Variants in PIEZO2 observed in about 807,000 individuals in gnomAD.
PIEZO2 encodes the protein piezo type mechanosensitive ion channel component 2, also known as piezo-type mechanosensitive ion channel component 2.
Under a neutral mutation model 337.3 loss-of-function variants are expected in PIEZO2, and 172 were observed. The observed-to-expected ratio is 0.51, with a 90% CI of 0.45 to 0.58. The LOEUF is 0.58. Among genes scored for constraint, PIEZO2 ranks in the 20% least tolerant of loss-of-function variants. The probability of loss-of-function intolerance (pLI) is 0.00; values close to 1 mark genes in which losing one functional copy is unlikely to be tolerated. For synonymous variants in PIEZO2, 1,251 were observed against 1,228.5 expected, an observed-to-expected ratio of 1.02 and a Z score of -0.38; for missense variants, 3,028 against 3,391.3, an observed-to-expected ratio of 0.89 and a Z score of 2.66.
intron 7 of PIEZO2, among the ~76,000 whole-genome samples, chr18:10,836,515 C>G (rs1437113150): frequency 1.3e-5 from 2 of 152,148 alleles, no homozygotes; most frequent in African/African-American, 2.4e-5. Flanking sequence ...AGATCACTTG[C>G]AACTGTTTAA....
chr18:11,065,564 G>A (rs115718946), intron 2 of PIEZO2, among the ~76,000 whole-genome samples: 17 of 152,286 alleles, frequency 1.1e-4, no homozygotes, highest in African/African-American at 4.1e-4. Flanking sequence ...CAGAATGGGA[G>A]CTGAAGTGTT....
rs376252910 is a variant in PIEZO2 at position 10,706,413 on chromosome 18, G to A, written c.5589-667C>T. 1.2e-4 allele frequency among the ~76,000 whole-genome samples: 19 copies of A among 152,238 alleles called. No homozygotes were observed. In the East Asian group the frequency reaches 3.1e-3, roughly 25 times the overall value. On this transcript the variant is annotated intron_variant, in intron 40 of 55. Transcript: ENST00000674853. ...CCCAGCTCCCTGCACTGTGCCCAGG[G>A]CTTCCCCTTCCCTGTGGGACTCCAG...
At chr18:10,740,847 T>G (rs1219655895) in intron 33 of PIEZO2, 184 bp downstream of exon 33, 6 of 711,028 alleles carry the variant, frequency 8.4e-6, no homozygotes, top group Non-Finnish European at 1.5e-5. Flanking sequence ...CTGATGTCTC[T>G]GGAAGAATTG....
intron 3 of PIEZO2, among the ~76,000 whole-genome samples, chr18:10,972,124 C>A (rs1422172740): frequency 6.8e-6 from 1 of 147,206 alleles, no homozygotes; most frequent in Non-Finnish European, 1.5e-5. Context: ...GAAACCCTAT[C>A]TCTACTAAAA....
In PIEZO2 at chr18:10,718,267, G is replaced by A; in HGVS notation, c.5030-8C>T. 6.5e-7 allele frequency: 1 copy of A among 1,535,490 alleles called. No homozygotes were observed. The highest frequency in any genetic ancestry group is 8.7e-7 in the Non-Finnish European group (1 of 1,145,320). ...CTTCCCATTCCACAGGACCTGCCAA[G>A]TGTGTTCAATAAAGATGAGTTAAAT... On this transcript the variant is annotated splice_polypyrimidine_tract_variant and splice_region_variant and intron_variant, in intron 36 of 55. Coordinates refer to ENST00000674853, the MANE Select transcript of PIEZO2 (RefSeq NM_001378183.1).
At chr18:10,777,454 T>C (rs550214109) in intron 18 of PIEZO2, among the ~76,000 whole-genome samples, 1 of 152,320 alleles carries the variant, frequency 6.6e-6, no homozygotes, top group South Asian at 2.1e-4. Context: ...TTACAAAATG[T>C]AGTACTGTGC....
chr18:10,967,108 C>T (rs746339794), intron 3 of PIEZO2, among the ~76,000 whole-genome samples: 1 of 145,012 alleles, frequency 6.9e-6, no homozygotes, highest in Non-Finnish European at 1.5e-5. Flanking sequence ...ACTTCTGCCT[C>T]CCAGGTTCAA....
At chr18:10,995,373 C>T (rs956936382) in intron 2 of PIEZO2, among the ~76,000 whole-genome samples, 1 of 152,054 alleles carries the variant, frequency 6.6e-6, no homozygotes, top group Non-Finnish European at 1.5e-5. Flanking sequence ...TGAATGAGTT[C>T]CTTTGTCGGA....
chr18:10,832,210 C>T (rs2040864263), intron 7 of PIEZO2, among the ~76,000 whole-genome samples: 1 of 152,058 alleles, frequency 6.6e-6, no homozygotes, highest in South Asian at 2.1e-4. Flanking sequence ...CACTGCACTC[C>T]AGCCTGGGTG....
At chr18:10,975,917 C>G (rs910195538) in intron 3 of PIEZO2, among the ~76,000 whole-genome samples, 2 of 152,084 alleles carry the variant, frequency 1.3e-5, no homozygotes, top group Non-Finnish European at 1.5e-5. Flanking sequence ...CACTGATGAC[C>G]AAGACAGGTT....
chr18:10,773,611 T>C lies in PIEZO2; in HGVS notation c.2586A>G (p.Gly862=). The C allele has an allele frequency of 6.5e-7, 1 of 1,537,280 alleles. No homozygotes were observed. Residue 862 remains glycine (G), a synonymous_variant, in exon 20 of 56, where the codon GGA becomes GGG. Coordinates refer to ENST00000674853, the MANE Select transcript of PIEZO2 (RefSeq NM_001378183.1). The surrounding 1 kb of genome is among the most constrained non-coding windows in gnomAD (Gnocchi z 5.3). The part of the protein sequence containing the change: ...IHQNELAHPE[G]SLPDLTMMHL... ...GCATCATGGTGAGGTCCGGGAGGCT[T>C]CCTTCCGGGTGGGCCAGTCTGTTGG...
rs950534524 is a variant in PIEZO2 at position 10,861,276 on chromosome 18, T to G, written c.493-4065A>C. ...ATAAAGATTTAACTTCCCTGGTTCC[T>G]GAGTCATCTTAGAAACTGAAGACAA... On this transcript the variant is annotated intron_variant, in intron 5 of 55. Coordinates refer to ENST00000674853, the MANE Select transcript of PIEZO2 (RefSeq NM_001378183.1). This position sits in a 1 kb window ranked among gnomAD's most constrained non-coding sequence, Gnocchi z 4.3. Among the ~76,000 whole-genome samples, 28 of 152,356 alleles carry G rather than the reference T, an allele frequency of 1.8e-4. No homozygotes were observed. Among genetic ancestry groups the G allele is most frequent in the Admixed American group, 7.2e-4 (11 of 15,302 alleles).
rs1358948929 is a variant in PIEZO2, at chr18:11,070,312, A to G, written c.65-4090T>C. ...ACGGCACTATAATCTTAGGGGACCA[A>G]CCCCACAGACTGTCAACATTCCTGC... On this transcript the variant is annotated intron_variant, in intron 1 of 55. Coordinates refer to ENST00000674853, the MANE Select transcript of PIEZO2 (RefSeq NM_001378183.1). This position sits in a 1 kb window ranked among gnomAD's most constrained non-coding sequence, Gnocchi z 4.3. Among the ~76,000 whole-genome samples the G allele has an allele frequency of 6.6e-6, 1 of 152,174 alleles. No homozygotes were observed. Among genetic ancestry groups the G allele is most frequent in the Non-Finnish European group, 1.5e-5 (1 of 68,034 alleles).
intron 4 of PIEZO2, chr18:10,893,796 T>C (rs1305359794): frequency 1.3e-5 from 2 of 152,386 alleles, no homozygotes; most frequent in African/African-American, 2.4e-5. Context: ...AATGAATTTC[T>C]GCTTTTAGCA....
Position 10,920,593 on chromosome 18 carries a change from C to T in PIEZO2, c.287-9365G>A, listed in dbSNP as rs1217933341. The stretch of plus-strand genomic sequence containing the variant: ...ATATAGTCAACATGCTGTTACAACT[C>T]GTTCATACCCAGGTTTCCATGACTT... On this transcript the variant is annotated intron_variant, in intron 3 of 55. Transcript: ENST00000674853. Among the ~76,000 whole-genome samples, 3 of 152,118 alleles carry T rather than the reference C, an allele frequency of 2.0e-5. 1 individual carries two copies. The highest frequency in any genetic ancestry group is 1.3e-4 in the Admixed American group (2 of 15,270).
intron 36 of PIEZO2, among the ~76,000 whole-genome samples, chr18:10,718,593 C>A (rs1013672052): frequency 1.4e-4 from 21 of 152,252 alleles, no homozygotes; most frequent in African/African-American, 5.1e-4. Flanking sequence ...GTATTTGGTG[C>A]ATGTGAAAAT....
Position 10,830,099 on chromosome 18 carries a change from C to T in PIEZO2, c.918-22825G>A, listed in dbSNP as rs2040800270. Among the ~76,000 whole-genome samples the T allele has an allele frequency of 6.6e-6, 1 of 152,086 alleles. No individual in the cohort carries two copies. The highest frequency in any genetic ancestry group is 1.5e-5 in the Non-Finnish European group (1 of 68,012). On this transcript the variant is annotated intron_variant, in intron 7 of 55. Transcript: ENST00000674853. This position sits in a 1 kb window ranked among gnomAD's most constrained non-coding sequence, Gnocchi z 4.7. Reference sequence around the variant, plus strand: ...TATGGTACTGGCATAAAAACAGACACACAGACCAATGGAACAGAATAGGGA... The same window carrying T: ...TATGGTACTGGCATAAAAACAGACATACAGACCAATGGAACAGAATAGGGA...
In PIEZO2 at chr18:10,677,611, G is replaced by C; in HGVS notation, c.8081+136C>G. The C allele has an allele frequency of 9.4e-7, 1 of 1,063,586 alleles. No individual in the cohort carries two copies. The highest frequency in any genetic ancestry group is 1.4e-6 in the Non-Finnish European group (1 of 733,358). 65.9% of individuals were successfully genotyped at this position (1,063,586 alleles called of 1,614,324 possible). On this transcript the variant is annotated intron_variant, in intron 53 of 55. Coordinates refer to ENST00000674853, the MANE Select transcript of PIEZO2 (RefSeq NM_001378183.1). The surrounding 1 kb of genome is among the most constrained non-coding windows in gnomAD (Gnocchi z 4.1). ...AGTTTCTTTAATCTTGCAAAATGGG[G>C]CCTCCAAATAGAAATTAACTTTGTG...
At position 10,705,583 on chromosome 18, in the gene PIEZO2, C is replaced by T. The variant is rs1384004544; in HGVS notation, c.5752G>A (p.Glu1918Lys). 28 of 1,537,080 alleles carry T rather than the reference C, an allele frequency of 1.8e-5. No individual in the cohort carries two copies. The East Asian group carries it at 3.2e-4, about 17-fold the overall frequency. The change falls in exon 41 of 56, where the codon GAG becomes AAG. Residue 1918 changes from glutamate (E) to lysine (K), a missense_variant. Physicochemically the swap from Glu to Lys is moderately conservative, Grantham distance 56. Coordinates refer to ENST00000674853, the MANE Select transcript of PIEZO2 (RefSeq NM_001378183.1). ...TGYDVGAMGAEEASLTPEEEL... is the reference protein window; with the variant it reads ...TGYDVGAMGAKEASLTPEEEL... ...TCCTCTGGGGTGAGGCTGGCCTCCT[C>T]GGCACCCATGGCTCCCACATCGTAC... is the stretch of plus-strand genomic sequence containing the variant.
Sources: allele counts gnomAD v4.1 joint callset (sites outside exome capture counted in the v4.1 genomes callset), GRCh38; gene constraint gnomAD v4.1.1; non-coding constraint Gnocchi (gnomAD v3.1); transcripts MANE v1.5; gene names NCBI Gene and HGNC (gene_info 2026-07-23, HGNC 2026-07-21).